C12orf42: variants seen among roughly 807,000 people sequenced by gnomAD.
C12orf42 encodes the protein chromosome 12 open reading frame 42, also known as uncharacterized protein C12orf42.
A neutral mutation model predicts 21.6 loss-of-function variants in C12orf42; 25 were observed. The observed-to-expected ratio is 1.16, with a 90% confidence interval of 0.84 to 1.62. The LOEUF is 1.62. Ranked by LOEUF, C12orf42 falls within the 40% of genes most tolerant of loss-of-function variation. C12orf42 has a pLI of 0.00. For missense variants in C12orf42, 483 were observed against 459.3 expected, an observed-to-expected ratio of 1.05 and a Z score of -0.47; for synonymous variants, 174 against 175.0, an observed-to-expected ratio of 0.99 and a Z score of 0.05.
At chr12:103,190,694 A>G in the C12orf42 span, among the ~76,000 whole-genome samples, 1 of 152,228 alleles carries the variant, frequency 6.6e-6, no homozygotes, top group Non-Finnish European at 1.5e-5. Flanking sequence ...TTCATTTGAA[A>G]TTATTCAGTC....
the C12orf42 span, among the ~76,000 whole-genome samples, chr12:103,541,539 A>G: frequency 8.1e-4 from 124 of 152,336 alleles, no homozygotes; most frequent in African/African-American, 2.9e-3. Context: ...GTATAAAAGT[A>G]TAACACATAC....
chr12:103,322,102 CGCGCGTGCGT>C (rs2040201877), intron 4 of C12orf42, among the ~76,000 whole-genome samples: 1 of 108,720 alleles, frequency 9.2e-6, no homozygotes, highest in Non-Finnish European at 1.7e-5. Context: ...CAGATGTGCA[CGCGCGTGCGT>C]GCGCGCGCGC....
At chr12:103,281,077 C>A (rs1011918823) in intron 4 of C12orf42, among the ~76,000 whole-genome samples, 2 of 152,178 alleles carry the variant, frequency 1.3e-5, no homozygotes, top group African/African-American at 4.8e-5. Flanking sequence ...ATACTTCATA[C>A]TTGAGTTGAC....
At chr12:103,198,798 C>T in the C12orf42 span, among the ~76,000 whole-genome samples, 4 of 152,140 alleles carry the variant, frequency 2.6e-5, no homozygotes, top group African/African-American at 9.7e-5. Flanking sequence ...GCTTCCTCCC[C>T]CATGATCCCA....
At chr12:103,413,422 G>A (rs114973022) in intron 2 of C12orf42, among the ~76,000 whole-genome samples, 173 of 152,134 alleles carry the variant, frequency 1.1e-3, no homozygotes, top group African/African-American at 3.7e-3. Flanking sequence ...TAGGATTACT[G>A]TGACTATACA....
the C12orf42 span, among the ~76,000 whole-genome samples, chr12:103,525,844 A>T: frequency 6.6e-6 from 1 of 152,108 alleles, no homozygotes; most frequent in African/African-American, 2.4e-5. Context: ...CCTGGCCAAC[A>T]AGGTGAAACC....
At chr12:103,336,332 C>A (rs928532871) in intron 4 of C12orf42, among the ~76,000 whole-genome samples, 1 of 152,176 alleles carries the variant, frequency 6.6e-6, no homozygotes, top group Non-Finnish European at 1.5e-5. Context: ...GGCAGCTGAT[C>A]TGGTGTTTTC....
At chr12:103,315,421 C>G (rs1030323813) in intron 4 of C12orf42, among the ~76,000 whole-genome samples, 2 of 152,022 alleles carry the variant, frequency 1.3e-5, no homozygotes, top group African/African-American at 2.4e-5. Context: ...AACACTGTAA[C>G]AGAATTAACA....
At chr12:103,164,272 A>G in the C12orf42 span, 1 of 384,822 alleles carries the variant, frequency 2.6e-6, no homozygotes, top group Non-Finnish European at 5.1e-6. Flanking sequence ...CCAGGCTTGA[A>G]TCTTAGGAAA....
chr12:103,207,083 G>T, the C12orf42 span, among the ~76,000 whole-genome samples: 1 of 152,182 alleles, frequency 6.6e-6, no homozygotes, highest in South Asian at 2.1e-4. Context: ...TGTGCCTCCT[G>T]TAAGCAGAGG....
the C12orf42 span, among the ~76,000 whole-genome samples, chr12:103,068,118 G>A: frequency 2.6e-5 from 4 of 152,174 alleles, no homozygotes; most frequent in Non-Finnish European, 4.4e-5. Context: ...AGTAGAAGAA[G>A]GTAGTCATCA....
the C12orf42 span, among the ~76,000 whole-genome samples, chr12:103,194,819 G>T: frequency 6.6e-6 from 1 of 152,106 alleles, no homozygotes; most frequent in African/African-American, 2.4e-5. Context: ...TTTTGTTTCA[G>T]GAAGTACATG....
chr12:103,137,628 C>A, the C12orf42 span, among the ~76,000 whole-genome samples: 1 of 152,148 alleles, frequency 6.6e-6, no homozygotes, highest in Non-Finnish European at 1.5e-5. Context: ...ACCTAAGTAT[C>A]CATCAAAAGA....
intron 4 of C12orf42, among the ~76,000 whole-genome samples, chr12:103,337,004 T>C (rs2041756485): frequency 6.6e-6 from 1 of 152,172 alleles, no homozygotes; most frequent in Admixed American, 6.5e-5. Flanking sequence ...TGAAGTGGCT[T>C]CACCAAGGAA....
chr12:103,247,912 G>A (rs887578078), intron 10 of C12orf42, among the ~76,000 whole-genome samples: 3 of 152,020 alleles, frequency 2.0e-5, no homozygotes, highest in African/African-American at 7.2e-5. Context: ...TTACATGGAT[G>A]CCATTCCATT....
chr12:103,319,047 T>C (rs903468085), intron 4 of C12orf42, among the ~76,000 whole-genome samples: 1 of 152,226 alleles, frequency 6.6e-6, no homozygotes, highest in Non-Finnish European at 1.5e-5. Context: ...TGAGGCTGTT[T>C]CCAAGTCTTT....
At chr12:103,505,493 G>A in the C12orf42 span, 14 of 388,120 alleles carry the variant, frequency 3.6e-5, no homozygotes, top group African/African-American at 2.5e-4. Context: ...GAACGTGGTA[G>A]GGACGGCATT....
chr12:103,333,647 T>C (rs541827001), intron 4 of C12orf42, among the ~76,000 whole-genome samples: 2 of 152,078 alleles, frequency 1.3e-5, no homozygotes, highest in African/African-American at 2.4e-5. Flanking sequence ...CCAAGATGAG[T>C]TGAAAAATTA....
the C12orf42 span, among the ~76,000 whole-genome samples, chr12:103,142,697 T>C: frequency 1.3e-5 from 2 of 152,310 alleles, no homozygotes; most frequent in Non-Finnish European, 1.5e-5. Flanking sequence ...GGGATAGCAG[T>C]CACTGTTAAA....
Sources: gnomAD v4.1 joint callset for allele counts (sites outside exome capture counted in the v4.1 genomes callset) on GRCh38, gnomAD v4.1.1 for gene constraint, MANE v1.5 for transcripts, NCBI Gene and HGNC (gene_info 2026-07-23, HGNC 2026-07-21) for gene names.